The following EYA1 variants were observed in gnomAD, a reference collection of about 807,000 sequenced individuals.
EYA1 encodes the protein EYA transcriptional coactivator and phosphatase 1.
Under a neutral mutation model 82.0 loss-of-function variants are expected in EYA1, and 16 were observed. The observed-to-expected ratio is 0.20, with a 90% CI of 0.13 to 0.30. The LOEUF (loss-of-function observed/expected upper bound fraction) is 0.30. Ranked by LOEUF, EYA1 falls within the 10% of genes least tolerant of loss-of-function variation. EYA1 has a pLI of 1.00. For missense variants in EYA1, 633 were observed against 730.7 expected (o/e 0.87, Z 1.54); for synonymous variants, 261 against 264.4 (o/e 0.99, Z 0.12).
intron 2 of EYA1, among the ~76,000 whole-genome samples, chr8:71,532,510 T>C (rs1302405058): frequency 6.6e-6 from 1 of 152,234 alleles, no homozygotes; most frequent in Non-Finnish European, 1.5e-5. Context: ...AGAATTGTTG[T>C]TTACAAAAGC....
chr8:71,317,776 C>A, intron 6 of EYA1, 87 bp from the exon 7 acceptor site: 1 of 1,241,088 alleles, frequency 8.1e-7, no homozygotes, highest in East Asian at 2.3e-5. Flanking sequence ...AACCGTTTAA[C>A]TACAAATGCT....
At chr8:71,397,038 A>T (rs1335729779) in intron 2 of EYA1, among the ~76,000 whole-genome samples, 1 of 152,104 alleles carries the variant, frequency 6.6e-6, no homozygotes, top group African/African-American at 2.4e-5. Flanking sequence ...TTTACCATTA[A>T]ACAATGGCCT....
At chr8:71,306,080 C>T (rs576830805) in intron 7 of EYA1, among the ~76,000 whole-genome samples, 1 of 152,212 alleles carries the variant, frequency 6.6e-6, no homozygotes, top group Non-Finnish European at 1.5e-5. Context: ...CCAGGTGTCA[C>T]AGCTCTCACT....
intron 2 of EYA1, among the ~76,000 whole-genome samples, chr8:71,421,761 C>T (rs1006218172): frequency 6.6e-6 from 1 of 152,160 alleles, no homozygotes; most frequent in African/African-American, 2.4e-5. Flanking sequence ...CTCTAACCTT[C>T]AATTAAGACA....
chr8:71,270,516 T>C (rs6472575), intron 10 of EYA1, among the ~76,000 whole-genome samples: 58,165 of 152,036 alleles, frequency 0.38, 11,639 homozygotes, highest in East Asian at 0.71. Flanking sequence ...AAAAAGCCTA[T>C]CAAGCCTGTT....
chr8:71,359,437 G>C (rs1827181229), intron 1 of EYA1, among the ~76,000 whole-genome samples: 1 of 152,012 alleles, frequency 6.6e-6, no homozygotes, highest in African/African-American at 2.4e-5. Flanking sequence ...CAAGACTTAA[G>C]GTACACATTT....
chr8:71,269,922 G>A, intron 10 of EYA1, 99 bp from the exon 11 acceptor site: 3 of 873,386 alleles, frequency 3.4e-6, no homozygotes, highest in Non-Finnish European at 5.8e-6. Context: ...AACGGAAGAT[G>A]AATGAAAAAT....
chr8:71,405,146 G>A lies in EYA1; in HGVS notation c.34-48635C>T, dbSNP rs1054274988. On this transcript the variant is annotated intron_variant, in intron 2 of 18. Transcript: ENST00000643681. ...ACACGTTCCAGAAAGGTAAATGGCCGTAAATATGTCCCCTCTTCTAGCACC... is the reference window on the plus strand; with the variant it reads ...ACACGTTCCAGAAAGGTAAATGGCCATAAATATGTCCCCTCTTCTAGCACC... 3.9e-5 allele frequency among the ~76,000 whole-genome samples: 6 copies of A among 152,168 alleles called. No individual in the cohort carries two copies. The East Asian group carries it at 5.8e-4, about 15-fold the overall frequency.
intron 10 of EYA1, 104 bp downstream of exon 10, chr8:71,271,648 ACAAAAG>A (rs913116230): frequency 1.7e-6 from 2 of 1,175,016 alleles, no homozygotes; most frequent in African/African-American, 1.5e-5. Context: ...GAAAGCAGTA[ACAAAAG>A]CATCTGATAC....
chr8:71,204,430 C>T (rs1425843119), intron 17 of EYA1, among the ~76,000 whole-genome samples: 3 of 152,208 alleles, frequency 2.0e-5, no homozygotes, highest in African/African-American at 4.8e-5. Flanking sequence ...TACCCTCTGA[C>T]TTAATTATTG....
At chr8:71,395,958 T>A (rs569944397) in intron 2 of EYA1, among the ~76,000 whole-genome samples, 27 of 152,318 alleles carry the variant, frequency 1.8e-4, no homozygotes, top group African/African-American at 6.3e-4. Flanking sequence ...AATTATTGCC[T>A]CAATTTAAGA....
At chr8:71,360,738 A>G (rs1827297585) in intron 1 of EYA1, among the ~76,000 whole-genome samples, 1 of 152,240 alleles carries the variant, frequency 6.6e-6, no homozygotes, top group Non-Finnish European at 1.5e-5. Context: ...TATAAAAACA[A>G]TCCCAAACCT....
intron 2 of EYA1, among the ~76,000 whole-genome samples, chr8:71,480,788 G>C (rs531402847): frequency 6.6e-6 from 1 of 152,012 alleles, no homozygotes; most frequent in South Asian, 2.1e-4. Context: ...AAAATAACCT[G>C]TTTAGAATAT....
chr8:71,539,711 A>G (rs1309673367), intron 1 of EYA1, among the ~76,000 whole-genome samples: 1 of 152,186 alleles, frequency 6.6e-6, no homozygotes, highest in Non-Finnish European at 1.5e-5. Flanking sequence ...ACTGTTAATG[A>G]AAAGCTAATT....
chr8:71,271,613 CT>C, intron 10 of EYA1, 144 bp downstream of exon 10: 1 of 879,942 alleles, frequency 1.1e-6, no homozygotes, highest in East Asian at 2.6e-5. Flanking sequence ...GAAAATATTA[CT>C]TTATCTATTG....
intron 2 of EYA1, among the ~76,000 whole-genome samples, chr8:71,471,709 T>C (rs2129201495): frequency 6.6e-6 from 1 of 152,202 alleles, no homozygotes. Flanking sequence ...TCCCAAAGTA[T>C]AAAAGTGATT....
At chr8:71,238,296 C>T (rs1019277202) in intron 12 of EYA1, among the ~76,000 whole-genome samples, 1 of 152,060 alleles carries the variant, frequency 6.6e-6, no homozygotes, top group Non-Finnish European at 1.5e-5. Context: ...AACATTAGGC[C>T]GCATAATTCT....
At chr8:71,308,985 T>A (rs1328142072) in intron 7 of EYA1, among the ~76,000 whole-genome samples, 1 of 152,232 alleles carries the variant, frequency 6.6e-6, no homozygotes, top group Non-Finnish European at 1.5e-5. Flanking sequence ...ACGATCTATG[T>A]GGCAGAAGTT....
intron 2 of EYA1, among the ~76,000 whole-genome samples, chr8:71,429,526 C>T (rs1454392562): frequency 6.6e-6 from 1 of 152,016 alleles, no homozygotes; most frequent in Non-Finnish European, 1.5e-5. Flanking sequence ...AAAAGCAGCA[C>T]AGAAATCAAT....
Sources: gnomAD v4.1 joint callset for allele counts (sites outside exome capture counted in the v4.1 genomes callset) on GRCh38, gnomAD v4.1.1 for gene constraint, MANE v1.5 for transcripts, NCBI Gene and HGNC (gene_info 2026-07-23, HGNC 2026-07-21) for gene names.